Variants in NRXN3 observed in about 807,000 individuals in gnomAD.
The protein encoded by NRXN3 is neurexin III.
In NRXN3, 32 loss-of-function variants were observed where a neutral mutation model predicts 137.6. The observed-to-expected ratio is 0.23, with a 90% CI of 0.18 to 0.31. NRXN3 has a LOEUF of 0.31. NRXN3 is among the 10% of genes least tolerant of loss of function. NRXN3 has a pLI of 1.00. For synonymous variants in NRXN3, 798 were observed against 784.5 expected (o/e 1.02, Z -0.29); for missense variants, 1,574 against 2,062.5 (o/e 0.76, Z 4.59).
At chr14:78,373,091 A>G (rs923228386) in intron 4 of NRXN3, among the ~76,000 whole-genome samples, 2 of 152,354 alleles carry the variant, frequency 1.3e-5, no homozygotes, top group South Asian at 4.1e-4. Flanking sequence ...CAAGGCTCAG[A>G]TAACCTTGTC....
At chr14:78,339,442 T>G (rs2081908500) in intron 4 of NRXN3, among the ~76,000 whole-genome samples, 2 of 152,106 alleles carry the variant, frequency 1.3e-5, no homozygotes, top group Non-Finnish European at 2.9e-5. Context: ...GGTGCACATA[T>G]AGCATTGACT....
chr14:78,908,921 A>G (rs775274869), intron 10 of NRXN3, among the ~76,000 whole-genome samples: 70 of 152,286 alleles, frequency 4.6e-4, no homozygotes, highest in Non-Finnish European at 8.2e-4. Context: ...GAAGCCTACT[A>G]TGGCAGACCA....
intron 4 of NRXN3, among the ~76,000 whole-genome samples, chr14:78,311,044 T>A (rs930232926): frequency 6.6e-6 from 1 of 152,206 alleles, no homozygotes; most frequent in Non-Finnish European, 1.5e-5. Context: ...TCAATCTTTT[T>A]GACTATCTGT....
chr14:78,570,446 G>C (rs2096878919), intron 4 of NRXN3, among the ~76,000 whole-genome samples: 1 of 152,200 alleles, frequency 6.6e-6, no homozygotes, highest in South Asian at 2.1e-4. Flanking sequence ...AAGCCAACCT[G>C]TTTGGAGTGT....
chr14:78,603,719 A>T (rs550000220), intron 4 of NRXN3, among the ~76,000 whole-genome samples: 7 of 152,306 alleles, frequency 4.6e-5, no homozygotes, highest in African/African-American at 1.2e-4. Context: ...CATTAGGACA[A>T]GACCTCTCCT....
At chr14:78,695,819 CTGAG>C (rs2098220002) in intron 6 of NRXN3, 1 of 152,078 alleles carries the variant, frequency 6.6e-6, no homozygotes. Context: ...TGGGAGATTA[CTGAG>C]TATCAGTGGA....
chr14:79,551,309 G>GC (rs1408276507), intron 16 of NRXN3, among the ~76,000 whole-genome samples: 2 of 152,148 alleles, frequency 1.3e-5, no homozygotes, highest in African/African-American at 4.8e-5. Context: ...GGGAGAAGGA[G>GC]CATGAGAGTC....
intron 15 of NRXN3, among the ~76,000 whole-genome samples, chr14:79,338,222 T>A (rs1008276451): frequency 2.7e-4 from 34 of 127,426 alleles, no homozygotes; most frequent in African/African-American, 1.1e-3. Flanking sequence ...TATGTGAGTG[T>A]GTGTGTGTGT....
intron 4 of NRXN3, among the ~76,000 whole-genome samples, chr14:78,440,521 C>G (rs1247987298): frequency 6.6e-6 from 1 of 152,024 alleles, no homozygotes; most frequent in Non-Finnish European, 1.5e-5. Flanking sequence ...CGGAGTTTAT[C>G]TCACTCGTGC....
intron 19 of NRXN3, among the ~76,000 whole-genome samples, chr14:79,704,458 C>T (rs1336821654): frequency 1.3e-5 from 2 of 152,176 alleles, no homozygotes; most frequent in Non-Finnish European, 2.9e-5. Context: ...TCCACCTTTT[C>T]CCTGCTGCCA....
chr14:78,990,016 A>G (rs144374959), intron 15 of NRXN3, among the ~76,000 whole-genome samples: 107 of 152,172 alleles, frequency 7.0e-4, no homozygotes, highest in African/African-American at 2.4e-3. Context: ...GGTTTTATCA[A>G]GAGCAGATTG....
chr14:78,867,041 C>T (rs1167047150), intron 10 of NRXN3, among the ~76,000 whole-genome samples: 1 of 152,120 alleles, frequency 6.6e-6, no homozygotes, highest in Non-Finnish European at 1.5e-5. Context: ...TTGTGATCCA[C>T]CTGCCTCAGC....
At chr14:78,939,454 A>G (rs188841079) in intron 10 of NRXN3, among the ~76,000 whole-genome samples, 45 of 152,302 alleles carry the variant, frequency 3.0e-4, no homozygotes, top group African/African-American at 1.1e-3. Context: ...CCTCTCTGCC[A>G]TATTAGTCTT....
chr14:78,501,185 G>A (rs985087950), intron 4 of NRXN3, among the ~76,000 whole-genome samples: 3 of 152,106 alleles, frequency 2.0e-5, no homozygotes, highest in Non-Finnish European at 2.9e-5. Context: ...AGTTTCCATG[G>A]AGGAGGAACT....
At chr14:79,517,118 C>T (rs74070260) in intron 16 of NRXN3, among the ~76,000 whole-genome samples, 30,229 of 137,434 alleles carry the variant, frequency 0.22, 3,619 homozygotes, top group African/African-American at 0.35. Context: ...CGAATGGGAG[C>T]GCTTCCCCAC....
In NRXN3 at chr14:78,459,512, G is replaced by A. The variant is rs960098809; in HGVS notation, c.757+161652G>A. Among the ~76,000 whole-genome samples the A allele has an allele frequency of 6.6e-5, 10 of 152,144 alleles. No homozygotes were observed. In the East Asian group the frequency reaches 1.7e-3, roughly 26 times the overall value. ...TGTTTCTGACTGGGTCATCCCACAG[G>A]ATTCTGCCCTTTCTCCCCAGCCCCT... On this transcript the variant is annotated intron_variant, in intron 4 of 20. Coordinates refer to ENST00000335750, the MANE Select transcript of NRXN3 (RefSeq NM_001330195.2).
At chr14:78,885,793 G>C (rs1017928118) in intron 10 of NRXN3, among the ~76,000 whole-genome samples, 1 of 152,068 alleles carries the variant, frequency 6.6e-6, no homozygotes, top group Non-Finnish European at 1.5e-5. Flanking sequence ...ATGTTAGCTA[G>C]AGTAAACACT....
At chr14:79,369,014 T>C (rs1433816565) in intron 15 of NRXN3, among the ~76,000 whole-genome samples, 1 of 152,220 alleles carries the variant, frequency 6.6e-6, no homozygotes, top group Non-Finnish European at 1.5e-5. Context: ...CACTGGATAA[T>C]ACAACAATGG....
intron 19 of NRXN3, among the ~76,000 whole-genome samples, chr14:79,791,515 TTAA>T (rs1448696526): frequency 1.7e-5 from 2 of 120,170 alleles, no homozygotes; most frequent in African/African-American, 7.1e-5. Flanking sequence ...GTAATTATAA[TTAA>T]TTATATATTA....
Sources: gnomAD v4.1 joint callset for allele counts (sites outside exome capture counted in the v4.1 genomes callset) on GRCh38, gnomAD v4.1.1 for gene constraint, MANE v1.5 for transcripts, NCBI Gene and HGNC (gene_info 2026-07-23, HGNC 2026-07-21) for gene names.